Variants in PIK3C2A observed in about 807,000 individuals in gnomAD.
PIK3C2A encodes phosphatidylinositol-4-phosphate 3-kinase catalytic subunit type 2 alpha.
PIK3C2A carries 97 observed loss-of-function variants against 204.5 expected under a neutral mutation model. The ratio of observed to expected loss-of-function variants is 0.47; its 90% confidence interval spans 0.40 to 0.56. The LOEUF (loss-of-function observed/expected upper bound fraction) is 0.56, where lower values mean the gene tolerates loss of function less well. Ranked by LOEUF, PIK3C2A falls within the 20% of genes least tolerant of loss-of-function variation. PIK3C2A has a pLI of 0.00. For synonymous variants in PIK3C2A, 653 were observed against 664.4 expected (o/e 0.98, Z 0.26); for missense variants, 1,735 against 1,969.2 (o/e 0.88, Z 2.25).
Position 17,112,669 on chromosome 11 carries a change from G to A in PIK3C2A, c.3322-3C>T. 6.9e-7 allele frequency: 1 copy of A among 1,445,232 alleles called. No homozygotes were observed. The highest frequency in any genetic ancestry group is 9.3e-7 in the Non-Finnish European group (1 of 1,069,930). The allele number at this position is 1,445,232 out of a possible 1,614,324, so 89.5% of individuals were successfully genotyped here. ...TTAGAACTGAAGAAGGAACACGACT[G>A]CAAATACAACATGTTAAGCATTAGA... On this transcript the variant is annotated splice_region_variant and splice_polypyrimidine_tract_variant and intron_variant, in intron 20 of 32. Transcript: ENST00000691414.
intron 13 of PIK3C2A, among the ~76,000 whole-genome samples, chr11:17,128,262 C>T (rs1397198061): frequency 7.3e-5 from 9 of 122,502 alleles, no homozygotes; most frequent in African/African-American, 9.4e-5. Flanking sequence ...TCTTTTAGAA[C>T]TTTAGAGATG....
intron 8 of PIK3C2A, among the ~76,000 whole-genome samples, chr11:17,142,020 G>C (rs1035468855): frequency 6.6e-6 from 1 of 151,960 alleles, no homozygotes; most frequent in Admixed American, 6.6e-5. Flanking sequence ...TAGGGAAGGG[G>C]GTATATGAGG....
Position 17,089,865 on chromosome 11 carries a change from C to T in PIK3C2A, c.4934G>A (p.Ser1645Asn). 1 of 1,613,506 alleles carries T rather than the reference C, an allele frequency of 6.2e-7. No individual in the cohort carries two copies. Residue 1645 changes from serine (S) to asparagine (N), a missense_variant, in exon 33 of 33, where the codon AGT becomes AAT. Physicochemically the swap from Ser to Asn is conservative, Grantham distance 46 (BLOSUM62 1). Coordinates refer to ENST00000691414, the MANE Select transcript of PIK3C2A (RefSeq NM_002645.4). The part of the protein sequence containing the change: ...ETLRQRELQL[S>N]VLSAESLREN... ...CCGCAGAGATTCTGCACTGAGTACA[C>T]TTAGTTGAAGTTCTCGCTGTCTTAG...
intron 1 of PIK3C2A, among the ~76,000 whole-genome samples, chr11:17,198,816 C>A (rs114052084): frequency 0.014 from 2,150 of 148,296 alleles, 56 homozygotes; most frequent in South Asian, 0.068. Context: ...CAAAACAAAA[C>A]AAAAAAAAAA....
chr11:17,195,089 G>C (rs1281737879), intron 1 of PIK3C2A, among the ~76,000 whole-genome samples: 2 of 152,024 alleles, frequency 1.3e-5, no homozygotes, highest in Non-Finnish European at 2.9e-5. Flanking sequence ...TTACCCTGTG[G>C]ATTTCTTGTG....
At chr11:17,141,550 T>C (rs1198163897) in intron 8 of PIK3C2A, among the ~76,000 whole-genome samples, 2 of 152,220 alleles carry the variant, frequency 1.3e-5, no homozygotes, top group African/African-American at 4.8e-5. Flanking sequence ...TAAGTAAATC[T>C]TACATAAACC....
intron 4 of PIK3C2A, among the ~76,000 whole-genome samples, chr11:17,149,229 C>T (rs916368310): frequency 1.3e-4 from 20 of 151,896 alleles, no homozygotes; most frequent in Non-Finnish European, 2.9e-5. Flanking sequence ...GAGTATTACA[C>T]ATTGTATGCC....
intron 13 of PIK3C2A, among the ~76,000 whole-genome samples, chr11:17,123,060 G>A (rs755343075): frequency 1.3e-5 from 2 of 152,164 alleles, no homozygotes; most frequent in Non-Finnish European, 2.9e-5. Context: ...GGGGAAAATG[G>A]TGTTGAGGAC....
chr11:17,163,882 A>G (rs147313075), intron 2 of PIK3C2A, among the ~76,000 whole-genome samples: 59 of 150,332 alleles, frequency 3.9e-4, no homozygotes, highest in Non-Finnish European at 6.2e-4. Flanking sequence ...ATTGGTTTGA[A>G]AATGTATGTC....
chr11:17,177,141 GT>G (rs1460307858), intron 1 of PIK3C2A, among the ~76,000 whole-genome samples: 3 of 152,110 alleles, frequency 2.0e-5, no homozygotes, highest in Non-Finnish European at 4.4e-5. Flanking sequence ...GTCTAAATTA[GT>G]ATAATTTACC....
intron 1 of PIK3C2A, among the ~76,000 whole-genome samples, chr11:17,185,358 A>G (rs1162434158): frequency 2.0e-5 from 3 of 152,222 alleles, no homozygotes; most frequent in African/African-American, 4.8e-5. Context: ...AGTAGATTAC[A>G]CCATCAAGAT....
intron 19 of PIK3C2A, among the ~76,000 whole-genome samples, chr11:17,116,757 T>G (rs930586570): frequency 6.6e-6 from 1 of 151,968 alleles, no homozygotes; most frequent in Non-Finnish European, 1.5e-5. Flanking sequence ...GCCTGGCTAA[T>G]TTTTTGTATT....
intron 1 of PIK3C2A, among the ~76,000 whole-genome samples, chr11:17,174,603 A>AAC (rs1555034180): frequency 7.3e-6 from 1 of 136,492 alleles, no homozygotes; most frequent in Non-Finnish European, 1.6e-5. Context: ...CAAAAAAAAA[A>AAC]AAAAAACAAA....
intron 1 of PIK3C2A, among the ~76,000 whole-genome samples, chr11:17,180,502 A>G (rs545549896): frequency 2.1e-5 from 3 of 142,816 alleles, no homozygotes; most frequent in African/African-American, 8.4e-5. Flanking sequence ...AGAAAACAAA[A>G]CAACAACAAC....
chr11:17,140,599 A>G (rs1850031921), intron 8 of PIK3C2A, among the ~76,000 whole-genome samples: 1 of 152,210 alleles, frequency 6.6e-6, no homozygotes, highest in African/African-American at 2.4e-5. Context: ...TGTCCAGAAA[A>G]GGCAAAGCTA....
In PIK3C2A at chr11:17,169,835, A is replaced by G. The variant is rs1021908304; in HGVS notation, c.-65-29T>C. 12 of 790,242 alleles carry G rather than the reference A, an allele frequency of 1.5e-5. No homozygotes were observed. The African/African-American group carries it at 1.9e-4, about 13-fold the overall frequency. The allele number at this position is 790,242 out of a possible 1,614,324, so 49.0% of individuals were successfully genotyped here. On this transcript the variant is annotated intron_variant, in intron 1 of 32. Transcript: ENST00000691414. ...TACATAAAAATAAACATAACACTCA[A>G]TTAGATTTCTAAACATAAATATATT...
At chr11:17,135,199 C>T (rs1849831595) in intron 9 of PIK3C2A, 40 bp from the exon 10 acceptor site, 1 of 1,600,606 alleles carries the variant, frequency 6.2e-7, no homozygotes, top group South Asian at 1.1e-5. Context: ...AGAAAACTGC[C>T]TATGACATAA....
intron 13 of PIK3C2A, among the ~76,000 whole-genome samples, chr11:17,128,355 C>T (rs760805370): frequency 6.0e-5 from 9 of 151,146 alleles, no homozygotes; most frequent in Non-Finnish European, 7.4e-5. Flanking sequence ...ATGCCTCAGC[C>T]TACAGAGTAG....
chr11:17,160,838 A>G (rs945562523), intron 2 of PIK3C2A, among the ~76,000 whole-genome samples: 2 of 152,178 alleles, frequency 1.3e-5, no homozygotes, highest in Non-Finnish European at 2.9e-5. Flanking sequence ...AAACCAAACC[A>G]AAACAAAACA....
Sources: gnomAD v4.1 joint callset for allele counts (sites outside exome capture counted in the v4.1 genomes callset) on GRCh38, gnomAD v4.1.1 for gene constraint, MANE v1.5 for transcripts, NCBI Gene and HGNC (gene_info 2026-07-23, HGNC 2026-07-21) for gene names.